The following TDRD12 variants were observed in gnomAD, a reference collection of about 807,000 sequenced individuals.
TDRD12 encodes putative ATP-dependent RNA helicase TDRD12.
Under a neutral mutation model 133.5 loss-of-function variants are expected in TDRD12, and 158 were observed. The observed-to-expected ratio is 1.18, with a 90% CI of 1.04 to 1.35. The LOEUF (loss-of-function observed/expected upper bound fraction) is 1.35, where lower values mean the gene tolerates loss of function less well. Ranked by LOEUF, TDRD12 falls within the 40% of genes most tolerant of loss-of-function variation. The probability of loss-of-function intolerance (pLI) is 0.00; values close to 1 mark genes in which losing one functional copy is unlikely to be tolerated. For synonymous variants in TDRD12, 460 were observed against 477.9 expected, an observed-to-expected ratio of 0.96 and a Z score of 0.49; for missense variants, 1,443 against 1,321.3, an observed-to-expected ratio of 1.09 and a Z score of -1.43.
At position 32,815,444 on chromosome 19, in the gene TDRD12, C is replaced by G. The variant is rs1393932313; in HGVS notation, c.3142-4C>G. The G allele has an allele frequency of 6.5e-7, 1 of 1,530,482 alleles. No homozygotes were observed. Among genetic ancestry groups the G allele is most frequent in the Admixed American group, 2.0e-5 (1 of 49,914 alleles). 94.8% of individuals were successfully genotyped at this position (1,530,482 alleles called of 1,614,324 possible). On this transcript the variant is annotated splice_polypyrimidine_tract_variant and splice_region_variant and intron_variant, in intron 25 of 27. Coordinates refer to ENST00000444215, the Ensembl canonical transcript of TDRD12. Reference sequence around the variant, plus strand: ...CTAATGTTCAATTTTTTCATTGATTCAAGGTGCACATTACAAACCTTTCCA... The same window carrying G: ...CTAATGTTCAATTTTTTCATTGATTGAAGGTGCACATTACAAACCTTTCCA...
At chr19:32,802,611 C>T (rs762835708) in intron 19 of TDRD12, 45 bp from the exon 20 acceptor site, 24 of 1,519,698 alleles carry the variant, frequency 1.6e-5, no homozygotes, top group Middle Eastern at 2.1e-4. Context: ...AAAGTAAGTG[C>T]GGTAACTCCA....
intron 22 of TDRD12, among the ~76,000 whole-genome samples, chr19:32,809,773 AT>A (rs932473521): frequency 6.6e-6 from 1 of 152,258 alleles, no homozygotes; most frequent in African/African-American, 2.4e-5. Context: ...CAGCAGTGCT[AT>A]TTTAAGAAGA....
Position 32,739,001 on chromosome 19 carries a change from A to G in TDRD12, c.320+9A>G, listed in dbSNP as rs1969310731. 4.5e-6 allele frequency: 7 copies of G among 1,549,830 alleles called. No homozygotes were observed. The highest frequency in any genetic ancestry group is 2.0e-5 in the Admixed American group (1 of 50,908). On this transcript the variant is annotated intron_variant, in intron 3 of 27. Transcript: ENST00000444215. ...CCAGTCAAATCTAAAAAGTATGTAC[A>G]TGTTTATCTCACCTTACGCTCTTTT...
At chr19:32,808,138 A>G (rs1046169214) in intron 22 of TDRD12, among the ~76,000 whole-genome samples, 2 of 152,212 alleles carry the variant, frequency 1.3e-5, no homozygotes, top group African/African-American at 4.8e-5. Flanking sequence ...TCTTTGAGGA[A>G]AATTCTGTAA....
In TDRD12 at chr19:32,719,938, G is replaced by C. The variant is rs1419734520; in HGVS notation, c.-135G>C. 4.4e-6 allele frequency: 5 copies of C among 1,130,976 alleles called. No individual in the cohort carries two copies. In the East Asian group the frequency reaches 7.8e-5, roughly 18 times the overall value. The allele number at this position is 1,130,976 out of a possible 1,614,324, so 70.1% of individuals were successfully genotyped here. ...GAGTGTGGGGCACCTGCCGCGGGGG[G>C]CCCAGGCGCTAAAGGTGGAGGGAAG... On this transcript the variant is annotated 5_prime_UTR_variant, in exon 1 of 28. Transcript: ENST00000444215.
chr19:32,728,707 G>A (rs1444754142), intron 1 of TDRD12, among the ~76,000 whole-genome samples: 7 of 146,730 alleles, frequency 4.8e-5, no homozygotes, highest in African/African-American at 1.3e-4. Flanking sequence ...GTGCAGTGGC[G>A]CGATCTTGGT....
At chr19:32,719,938 G>A in exon 1 of TDRD12, 4 of 1,131,090 alleles carry the variant, frequency 3.5e-6, no homozygotes, top group Non-Finnish European at 5.1e-6. Context: ...GCCGCGGGGG[G>A]CCCAGGCGCT....
At chr19:32,779,758 C>T (rs1430106562) in intron 11 of TDRD12, among the ~76,000 whole-genome samples, 1 of 152,090 alleles carries the variant, frequency 6.6e-6, no homozygotes, top group African/African-American at 2.4e-5. Flanking sequence ...ACCCTCGCAG[C>T]ATTATTTTCA....
At chr19:32,802,844 T>A in intron 20 of TDRD12, 55 bp downstream of exon 20, 1 of 1,533,374 alleles carries the variant, frequency 6.5e-7, no homozygotes, top group South Asian at 1.2e-5. Context: ...TGTGTCATGA[T>A]AAGCTCAGAG....
intron 26 of TDRD12, among the ~76,000 whole-genome samples, chr19:32,816,565 G>A (rs753938881): frequency 1.3e-5 from 2 of 152,138 alleles, no homozygotes; most frequent in South Asian, 4.1e-4. Context: ...CCAGTTTGGG[G>A]TACTTCAGGT....
chr19:32,734,514 G>C (rs1217962622), intron 2 of TDRD12, among the ~76,000 whole-genome samples: 1 of 151,834 alleles, frequency 6.6e-6, no homozygotes, highest in East Asian at 1.9e-4. Flanking sequence ...AGGACTAAAG[G>C]CATGCACCAC....
Position 32,801,738 on chromosome 19 carries a change from C to T in TDRD12, c.2080-18C>T. 3 of 1,090,868 alleles carry T rather than the reference C, an allele frequency of 2.8e-6. No homozygotes were observed. Among genetic ancestry groups the T allele is most frequent in the East Asian group, 5.5e-5 (2 of 36,288 alleles). The allele number at this position is 1,090,868 out of a possible 1,614,324, so 67.6% of individuals were successfully genotyped here. On this transcript the variant is annotated intron_variant, in intron 18 of 27. Transcript: ENST00000444215. ...TATATCCCTGACTGTGACCTGGCCT[C>T]TTTGATTTCATCTTTAGGTAGTAGA...
At chr19:32,766,550 T>A (rs1333967903) in intron 8 of TDRD12, among the ~76,000 whole-genome samples, 1 of 152,184 alleles carries the variant, frequency 6.6e-6, no homozygotes, top group African/African-American at 2.4e-5. Context: ...TTTACCCTAT[T>A]TTTTTGCTTT....
At chr19:32,794,844 A>C (rs1971178459) in intron 14 of TDRD12, 31 bp downstream of exon 14, 1 of 696,424 alleles carries the variant, frequency 1.4e-6, no homozygotes, top group South Asian at 1.5e-5. Flanking sequence ...CCTCACAACC[A>C]AATGGGTTAA....
At chr19:32,747,438 C>G (rs1181298437) in intron 4 of TDRD12, among the ~76,000 whole-genome samples, 2 of 152,144 alleles carry the variant, frequency 1.3e-5, no homozygotes, top group Admixed American at 6.5e-5. Context: ...GCTAAGTGTT[C>G]TATGTACATT....
At chr19:32,807,293 A>AAAG (rs1568490468) in intron 21 of TDRD12, among the ~76,000 whole-genome samples, 4 of 144,640 alleles carry the variant, frequency 2.8e-5, no homozygotes, top group African/African-American at 1.0e-4. Context: ...AAAAAAAAAA[A>AAAG]AAAGAAAGTT....
chr19:32,800,758 G>GA lies in TDRD12; in HGVS notation c.2068dup (p.Ile690AsnfsTer4). 1.3e-6 allele frequency: 2 copies of GA among 1,534,380 alleles called. No homozygotes were observed. The highest frequency in any genetic ancestry group is 1.7e-6 in the Non-Finnish European group (2 of 1,146,274). ...CTTCACCTGCTCTGTAGCTGAAACA[G>GA]AAATAGTGTGTAAGGTGAGTCCATC... is the stretch of plus-strand genomic sequence containing the variant. On this transcript the variant is annotated frameshift_variant, in exon 18 of 28. Transcript: ENST00000444215. LOFTEE classifies it high-confidence loss of function.
chr19:32,797,054 C>T (rs908249551), intron 14 of TDRD12, among the ~76,000 whole-genome samples: 2 of 150,524 alleles, frequency 1.3e-5, no homozygotes, highest in African/African-American at 4.9e-5. Flanking sequence ...CATCTCGGCT[C>T]ACTGCAACCT....
rs140860039 is a variant in TDRD12, at chr19:32,730,032, C to T, written c.25-1693C>T. Among the ~76,000 whole-genome samples the T allele has an allele frequency of 5.7e-3, 868 of 151,946 alleles. 9 individuals are homozygous for T. The highest frequency in any genetic ancestry group is 0.019 in the African/African-American group (794 of 41,454). On this transcript the variant is annotated intron_variant, in intron 1 of 27. Transcript: ENST00000444215. ...GTCTCGATCTCCTGACCTCGTGATCCGCCCACCTCGGCCTCCCAAAGTGCT... is the reference window on the plus strand; with the variant it reads ...GTCTCGATCTCCTGACCTCGTGATCTGCCCACCTCGGCCTCCCAAAGTGCT...
Sources: allele counts gnomAD v4.1 joint callset (sites outside exome capture counted in the v4.1 genomes callset), GRCh38; gene constraint gnomAD v4.1.1; transcripts MANE v1.5; gene names NCBI Gene and HGNC (gene_info 2026-07-23, HGNC 2026-07-21).